RALGPS1: variants seen among roughly 807,000 people sequenced by gnomAD.
The protein encoded by RALGPS1 is Ral GEF with PH domain and SH3 binding motif 1.
RALGPS1 carries 19 observed loss-of-function variants against 78.8 expected under a neutral mutation model. The ratio of observed to expected loss-of-function variants is 0.24; its 90% CI spans 0.17 to 0.35. The LOEUF (loss-of-function observed/expected upper bound fraction) is 0.35, where lower values mean the gene tolerates loss of function less well. RALGPS1 is among the 10% of genes least tolerant of loss of function. The pLI, the probability that RALGPS1 is intolerant of heterozygous loss-of-function variation, is 1.00. For synonymous variants in RALGPS1, 228 were observed against 256.3 expected (o/e 0.89, Z 1.06); for missense variants, 454 against 688.3 (o/e 0.66, Z 3.81).
chr9:127,042,486 TCTC>T (rs985704993), intron 5 of RALGPS1, among the ~76,000 whole-genome samples: 5 of 151,818 alleles, frequency 3.3e-5, no homozygotes, highest in Non-Finnish European at 7.4e-5. Flanking sequence ...AAAAAAAAAA[TCTC>T]AGCCAATTAG....
intron 14 of RALGPS1, among the ~76,000 whole-genome samples, chr9:127,200,877 C>G (rs2061595783): frequency 6.6e-6 from 1 of 152,268 alleles, no homozygotes; most frequent in African/African-American, 2.4e-5. Flanking sequence ...GGCACAGATC[C>G]TGAATAGCAG....
At chr9:127,173,126 A>C (rs891242244) in intron 10 of RALGPS1, among the ~76,000 whole-genome samples, 2 of 152,208 alleles carry the variant, frequency 1.3e-5, no homozygotes, top group Non-Finnish European at 2.9e-5. Flanking sequence ...TGGAGGCAGT[A>C]AGCAAGCAGT....
intron 8 of RALGPS1, among the ~76,000 whole-genome samples, chr9:127,110,951 G>A (rs1025344292): frequency 1.2e-4 from 18 of 151,970 alleles, no homozygotes; most frequent in African/African-American, 4.4e-4. Context: ...CAGCCAGAGT[G>A]GTCCTTTTTA....
chr9:127,200,523 C>T (rs1314171541), intron 14 of RALGPS1, among the ~76,000 whole-genome samples: 1 of 152,262 alleles, frequency 6.6e-6, no homozygotes, highest in African/African-American at 2.4e-5. Context: ...CACTGCTCCA[C>T]AGCTTGGCCA....
In RALGPS1 at chr9:127,174,319, AAAAG is replaced by A. The variant is rs1293425393; in HGVS notation, c.843-392_843-389del. Among the ~76,000 whole-genome samples, 4 of 152,096 alleles carry A rather than the reference AAAAG, an allele frequency of 2.6e-5. 1 individual carries two copies. Among genetic ancestry groups the A allele is most frequent in the South Asian group, 4.2e-4 (2 of 4,814 alleles). On this transcript the variant is annotated intron_variant, in intron 10 of 18. Transcript: ENST00000259351. ...AGAAAGAGAAAGAAAGAAAGAAAAA[AAAAG>A]AAAAGAAAGAAAAAACTAACTCTGG...
intron 4 of RALGPS1, among the ~76,000 whole-genome samples, chr9:127,009,913 A>G (rs985761113): frequency 9.9e-5 from 15 of 152,172 alleles, no homozygotes; most frequent in Non-Finnish European, 1.3e-4. Context: ...GTTGCACACC[A>G]GGAATATCTA....
chr9:127,138,894 G>A (rs1020079176), intron 8 of RALGPS1, among the ~76,000 whole-genome samples: 1 of 152,234 alleles, frequency 6.6e-6, no homozygotes, highest in Non-Finnish European at 1.5e-5. Context: ...GTTACTGGGG[G>A]ATAGGTAGCT....
intron 4 of RALGPS1, among the ~76,000 whole-genome samples, chr9:127,018,431 A>T (rs1294800465): frequency 1.3e-5 from 2 of 152,040 alleles, no homozygotes; most frequent in East Asian, 3.9e-4. Context: ...TGAGGTCAGG[A>T]GTTCCCAGCC....
At chr9:127,156,095 A>G (rs889449784) in intron 8 of RALGPS1, among the ~76,000 whole-genome samples, 1 of 152,244 alleles carries the variant, frequency 6.6e-6, no homozygotes, top group Non-Finnish European at 1.5e-5. Flanking sequence ...ACTTAAAAAC[A>G]TATCATGGAT....
chr9:126,999,162 TATAATA>T (rs377368618), intron 4 of RALGPS1, among the ~76,000 whole-genome samples: 31 of 150,850 alleles, frequency 2.1e-4, no homozygotes, highest in African/African-American at 2.9e-4. Context: ...AAACTTAAAG[TATAATA>T]ATAATAATAA....
At chr9:127,090,063 G>C (rs2052280845) in intron 8 of RALGPS1, among the ~76,000 whole-genome samples, 1 of 152,150 alleles carries the variant, frequency 6.6e-6, no homozygotes, top group Non-Finnish European at 1.5e-5. Context: ...GTGGAGCCAG[G>C]TTTTCCCAGA....
At chr9:127,175,557 C>T (rs920210838) in intron 11 of RALGPS1, among the ~76,000 whole-genome samples, 4 of 149,126 alleles carry the variant, frequency 2.7e-5, no homozygotes, top group East Asian at 2.1e-4. Context: ...AGGTCGGGGG[C>T]GTGGGGGGTC....
intron 8 of RALGPS1, among the ~76,000 whole-genome samples, chr9:127,126,761 T>G (rs1424705722): frequency 6.6e-6 from 1 of 152,254 alleles, no homozygotes; most frequent in Non-Finnish European, 1.5e-5. Flanking sequence ...ATCTTTCATG[T>G]TCTCAAAATC....
chr9:126,932,293 G>T (rs1346185227), intron 1 of RALGPS1, among the ~76,000 whole-genome samples: 2 of 152,176 alleles, frequency 1.3e-5, no homozygotes, highest in African/African-American at 4.8e-5. Flanking sequence ...GCTGGTGGGA[G>T]AATAAATCGG....
At chr9:126,990,154 G>A in intron 4 of RALGPS1, 1 of 845,500 alleles carries the variant, frequency 1.2e-6, no homozygotes, top group Non-Finnish European at 1.8e-6. Context: ...GAAGAATGTG[G>A]CCAGCAGGCA....
intron 8 of RALGPS1, among the ~76,000 whole-genome samples, chr9:127,149,222 AT>A (rs753860286): frequency 1.0e-3 from 152 of 152,322 alleles, no homozygotes; most frequent in Non-Finnish European, 1.9e-3. Flanking sequence ...AGCTGCTGCT[AT>A]TGCAGAGTGC....
At chr9:127,118,645 C>T (rs1249802100) in intron 8 of RALGPS1, among the ~76,000 whole-genome samples, 1 of 152,192 alleles carries the variant, frequency 6.6e-6, no homozygotes, top group Admixed American at 6.5e-5. Flanking sequence ...CCTTGAGGAC[C>T]CTCTTAGCTC....
chr9:126,933,822 G>A (rs571451904), intron 1 of RALGPS1, among the ~76,000 whole-genome samples: 28 of 152,248 alleles, frequency 1.8e-4, no homozygotes, highest in African/African-American at 6.7e-4. Flanking sequence ...CCTGCAGGGG[G>A]GGTGTGCCAC....
chr9:127,138,418 G>C (rs2057543476), intron 8 of RALGPS1, among the ~76,000 whole-genome samples: 1 of 152,190 alleles, frequency 6.6e-6, no homozygotes, highest in Admixed American at 6.5e-5. Context: ...TGAGAATGAG[G>C]AGTGCTCCAG....
Sources: allele counts gnomAD v4.1 joint callset (sites outside exome capture counted in the v4.1 genomes callset), GRCh38; gene constraint gnomAD v4.1.1; transcripts MANE v1.5; gene names NCBI Gene and HGNC (gene_info 2026-07-23, HGNC 2026-07-21).